Variants in CPNE3 observed in about 807,000 individuals in gnomAD.
CPNE3 encodes the protein copine-3.
In CPNE3, 68 loss-of-function variants were observed where a neutral mutation model predicts 63.9. That is an observed-to-expected ratio of 1.06 (90% CI 0.87 to 1.30). The LOEUF is 1.30. CPNE3 is among the 50% of genes most tolerant of loss of function. The pLI is 0.00. For synonymous variants in CPNE3, 219 were observed against 197.5 expected (o/e 1.11, Z -0.91); for missense variants, 665 against 578.1 (o/e 1.15, Z -1.54).
At position 86,540,292 on chromosome 8, in the gene CPNE3, T is replaced by G. The variant is rs143537992; in HGVS notation, c.591T>G (p.Ser197=). 223 of 1,603,800 alleles carry G rather than the reference T, an allele frequency of 1.4e-4. No individual in the cohort carries two copies. In the African/African-American group the frequency reaches 2.9e-3, roughly 21 times the overall value. Reference sequence around the variant, plus strand: ...CTGTTTGGAGGCCTTTCAAGATCTCTCTTAACTCACTGTGTTACGGAGATA... The same window carrying G: ...CTGTTTGGAGGCCTTTCAAGATCTCGCTTAACTCACTGTGTTACGGAGATA... The part of the protein sequence containing the change: ...LNPVWRPFKI[S]LNSLCYGDMD... Residue 197 remains serine (S), a synonymous_variant, in exon 8 of 17, where the codon TCT becomes TCG. Coordinates refer to ENST00000517490, the MANE Select transcript of CPNE3 (RefSeq NM_003909.5).
chr8:86,540,212 T>C (rs770241253), intron 7 of CPNE3, 33 bp from the exon 8 acceptor site: 5 of 1,387,350 alleles, frequency 3.6e-6, no homozygotes, highest in African/African-American at 1.4e-5. Flanking sequence ...CTGGAAGTTT[T>C]TCTAACAGCT....
chr8:86,535,396 G>A lies in CPNE3; in HGVS notation c.460-2167G>A, dbSNP rs565877549. Among the ~76,000 whole-genome samples the A allele has an allele frequency of 1.3e-4, 19 of 151,654 alleles. No individual in the cohort carries two copies. The East Asian group carries it at 3.1e-3, about 25-fold the overall frequency. Reference sequence around the variant, plus strand: ...CAATTCAAATATAGAATTACTGGCCGGCCATGATGGCTCACGCCTGTAATC... The same window carrying A: ...CAATTCAAATATAGAATTACTGGCCAGCCATGATGGCTCACGCCTGTAATC... On this transcript the variant is annotated intron_variant, in intron 6 of 16. Transcript: ENST00000517490.
intron 12 of CPNE3, 81 bp downstream of exon 12, chr8:86,548,515 CT>C: frequency 1.3e-6 from 2 of 1,550,410 alleles, no homozygotes; most frequent in East Asian, 2.2e-5. Flanking sequence ...GGCTAGCACT[CT>C]GATATAGGTG....
At chr8:86,546,511 GA>G (rs1380273122) in intron 9 of CPNE3, 83 bp from the exon 10 acceptor site, 32 of 1,422,566 alleles carry the variant, frequency 2.2e-5, no homozygotes, top group South Asian at 1.1e-4. Context: ...GATTCTAAAG[GA>G]AAAAAAGTCA....
At chr8:86,544,678 A>G in intron 8 of CPNE3, 62 bp from the exon 9 acceptor site, 1 of 804,116 alleles carries the variant, frequency 1.2e-6, no homozygotes. Context: ...TATTTATTGC[A>G]GCCAATACTT....
intron 2 of CPNE3, among the ~76,000 whole-genome samples, chr8:86,517,431 C>T (rs114980533): frequency 6.6e-6 from 1 of 152,108 alleles, no homozygotes; most frequent in African/African-American, 2.4e-5. Flanking sequence ...GCTATTTCAC[C>T]TTCCCTGGCT....
chr8:86,555,278 T>C (rs1429963319), intron 15 of CPNE3, among the ~76,000 whole-genome samples: 1 of 151,916 alleles, frequency 6.6e-6, no homozygotes, highest in Non-Finnish European at 1.5e-5. Context: ...GAAGTAGACA[T>C]AACAAATTAA....
intron 3 of CPNE3, 54 bp from the exon 4 acceptor site, chr8:86,528,891 T>C: frequency 6.7e-7 from 1 of 1,490,494 alleles, no homozygotes; most frequent in Non-Finnish European, 9.1e-7. Flanking sequence ...GATGTGAAAA[T>C]CCAAGTGCAC....
chr8:86,542,512 T>G lies in CPNE3; in HGVS notation c.633+2178T>G, dbSNP rs563415156. 5.9e-5 allele frequency among the ~76,000 whole-genome samples: 9 copies of G among 152,126 alleles called. No homozygotes were observed. In the South Asian group the frequency reaches 1.9e-3, roughly 31 times the overall value. On this transcript the variant is annotated intron_variant, in intron 8 of 16. Coordinates refer to ENST00000517490, the MANE Select transcript of CPNE3 (RefSeq NM_003909.5). ...TGTATATATGTATACATTTATTTAT[T>G]TATTACACATATGTTTATTATGTAT...
At chr8:86,530,196 G>A (rs529800348) in intron 4 of CPNE3, among the ~76,000 whole-genome samples, 4 of 146,134 alleles carry the variant, frequency 2.7e-5, no homozygotes, top group Non-Finnish European at 6.0e-5. Context: ...TTGAGACAGG[G>A]TCTCACTAAG....
At chr8:86,557,548 A>G (rs1254445018) in intron 16 of CPNE3, among the ~76,000 whole-genome samples, 1 of 152,178 alleles carries the variant, frequency 6.6e-6, no homozygotes, top group Non-Finnish European at 1.5e-5. Flanking sequence ...AGCAGTTGTT[A>G]AACTCTTCTA....
chr8:86,516,114 C>T (rs2131412191), intron 2 of CPNE3, among the ~76,000 whole-genome samples: 1 of 152,304 alleles, frequency 6.6e-6, no homozygotes, highest in African/African-American at 2.4e-5. Flanking sequence ...AAATTTCAAA[C>T]TCTGGGACTG....
intron 16 of CPNE3, among the ~76,000 whole-genome samples, chr8:86,557,971 A>G (rs183335690): frequency 5.8e-4 from 88 of 151,880 alleles, no homozygotes; most frequent in Non-Finnish European, 9.1e-4. Context: ...AAAAAAAAGT[A>G]AAAAAAAATT....
chr8:86,523,386 G>A (rs1820476049), intron 2 of CPNE3, among the ~76,000 whole-genome samples: 1 of 152,160 alleles, frequency 6.6e-6, no homozygotes, highest in South Asian at 2.1e-4. Context: ...CAAATAACCT[G>A]TGCCAGATGT....
chr8:86,531,456 C>T (rs994987178), intron 5 of CPNE3, among the ~76,000 whole-genome samples: 11 of 152,008 alleles, frequency 7.2e-5, no homozygotes, highest in East Asian at 5.8e-4. Flanking sequence ...CTAAGTTGCC[C>T]GTAGAGGTCA....
At chr8:86,525,967 G>A (rs191983352) in intron 2 of CPNE3, among the ~76,000 whole-genome samples, 4 of 152,266 alleles carry the variant, frequency 2.6e-5, no homozygotes, top group East Asian at 1.9e-4. Context: ...TGCCTGGCAC[G>A]TGCCAGATTT....
intron 5 of CPNE3, 140 bp from the exon 6 acceptor site, chr8:86,532,369 A>C: frequency 1.8e-6 from 1 of 551,190 alleles, no homozygotes. Context: ...TTTTTTAATG[A>C]TGCCATTTTC....
At chr8:86,520,976 G>C (rs1362192910) in intron 2 of CPNE3, among the ~76,000 whole-genome samples, 5 of 151,882 alleles carry the variant, frequency 3.3e-5, no homozygotes, top group Non-Finnish European at 5.9e-5. Context: ...GTATATTTAT[G>C]CTTGACATTA....
At chr8:86,519,796 C>T (rs550197465) in intron 2 of CPNE3, among the ~76,000 whole-genome samples, 1 of 152,216 alleles carries the variant, frequency 6.6e-6, no homozygotes, top group Non-Finnish European at 1.5e-5. Flanking sequence ...TCACTGCAAC[C>T]TCCGCCTCCC....
Sources: allele counts gnomAD v4.1 joint callset (sites outside exome capture counted in the v4.1 genomes callset), GRCh38; gene constraint gnomAD v4.1.1; transcripts MANE v1.5; gene names NCBI Gene and HGNC (gene_info 2026-07-23, HGNC 2026-07-21).